The following LRRTM4 variants were observed in gnomAD, a reference collection of about 807,000 sequenced individuals.
LRRTM4 encodes the protein leucine-rich repeat transmembrane neuronal protein 4.
In LRRTM4, 25 loss-of-function variants were observed where a neutral mutation model predicts 47.6. That is an observed-to-expected ratio of 0.53 (90% confidence interval 0.38 to 0.73). The LOEUF is 0.73. Among genes scored for constraint, LRRTM4 ranks in the 30% least tolerant of loss-of-function variants. LRRTM4 has a pLI of 0.00. For synonymous variants in LRRTM4, 311 were observed against 269.5 expected (o/e 1.15, Z -1.51); for missense variants, 638 against 713.4 (o/e 0.89, Z 1.20).
intron 3 of LRRTM4, among the ~76,000 whole-genome samples, chr2:76,756,921 G>A (rs1435642629): frequency 6.6e-6 from 1 of 152,022 alleles, no homozygotes; most frequent in Non-Finnish European, 1.5e-5. Flanking sequence ...TTAGATATTT[G>A]CTGAATGAAA....
At chr2:77,056,503 G>C (rs992088017) in intron 3 of LRRTM4, among the ~76,000 whole-genome samples, 109 of 152,090 alleles carry the variant, frequency 7.2e-4, no homozygotes, top group African/African-American at 2.5e-3. Context: ...CATAATAAAT[G>C]ATTTAAATCA....
At chr2:77,440,977 A>C (rs1459139954) in intron 3 of LRRTM4, among the ~76,000 whole-genome samples, 3 of 152,254 alleles carry the variant, frequency 2.0e-5, no homozygotes, top group Non-Finnish European at 4.4e-5. Context: ...CACATGTTGT[A>C]GCTATTTACA....
intron 3 of LRRTM4, among the ~76,000 whole-genome samples, chr2:77,151,974 A>G (rs1351575659): frequency 6.6e-6 from 1 of 152,224 alleles, no homozygotes; most frequent in Non-Finnish European, 1.5e-5. Context: ...ATCTCAAGGA[A>G]ATACACATGT....
At chr2:77,283,713 T>C (rs1302939564) in intron 3 of LRRTM4, among the ~76,000 whole-genome samples, 1 of 151,958 alleles carries the variant, frequency 6.6e-6, no homozygotes, top group East Asian at 1.9e-4. Context: ...AGCAAATTAA[T>C]GCAGGAGCAA....
chr2:76,964,276 T>G (rs1675952683), intron 3 of LRRTM4, among the ~76,000 whole-genome samples: 1 of 151,074 alleles, frequency 6.6e-6, no homozygotes, highest in Non-Finnish European at 1.5e-5. Context: ...TCTTCAGATA[T>G]GCAAGACTTT....
chr2:77,455,870 C>T (rs1676519121), intron 3 of LRRTM4, among the ~76,000 whole-genome samples: 1 of 152,160 alleles, frequency 6.6e-6, no homozygotes, highest in South Asian at 2.1e-4. Context: ...ATATCACTCT[C>T]CACCATTCCA....
intron 3 of LRRTM4, among the ~76,000 whole-genome samples, chr2:77,150,222 T>C (rs1444777191): frequency 6.6e-6 from 1 of 152,168 alleles, no homozygotes; most frequent in African/African-American, 2.4e-5. Flanking sequence ...TAAAGGACTA[T>C]TAAATAAATA....
At chr2:76,982,778 G>A (rs143668874) in intron 3 of LRRTM4, among the ~76,000 whole-genome samples, 2 of 151,938 alleles carry the variant, frequency 1.3e-5, no homozygotes, top group African/African-American at 4.8e-5. Context: ...AAATAGATTT[G>A]CAAAAAATAG....
intron 3 of LRRTM4, among the ~76,000 whole-genome samples, chr2:77,463,832 C>T (rs77033937): frequency 0.019 from 2,888 of 152,148 alleles, 98 homozygotes; most frequent in East Asian, 0.12. Context: ...CTCTGTACAC[C>T]ACATGGCGGG....
intron 3 of LRRTM4, among the ~76,000 whole-genome samples, chr2:76,937,035 G>C (rs929454811): frequency 9.5e-5 from 14 of 146,834 alleles, no homozygotes; most frequent in African/African-American, 3.6e-4. Flanking sequence ...TAGATTCATG[G>C]TGACAATGAC....
At chr2:77,002,170 C>A (rs1367054551) in intron 3 of LRRTM4, among the ~76,000 whole-genome samples, 3 of 152,126 alleles carry the variant, frequency 2.0e-5, no homozygotes, top group Non-Finnish European at 4.4e-5. Context: ...GTATACTTGG[C>A]CTCTTTTCAA....
chr2:77,362,170 A>AAGG (rs1672263551), intron 3 of LRRTM4, among the ~76,000 whole-genome samples: 24 of 133,620 alleles, frequency 1.8e-4, no homozygotes, highest in East Asian at 1.1e-3. Context: ...AGAAAGAAAG[A>AAGG]AAGGAAGGAA....
intron 3 of LRRTM4, among the ~76,000 whole-genome samples, chr2:76,815,462 A>G (rs758832823): frequency 1.3e-5 from 2 of 152,128 alleles, no homozygotes; most frequent in Non-Finnish European, 1.5e-5. Context: ...TATCAGCTGA[A>G]AGAGATGATG....
chr2:77,469,492 G>C (rs1339646264), intron 3 of LRRTM4, among the ~76,000 whole-genome samples: 2 of 152,116 alleles, frequency 1.3e-5, no homozygotes, highest in Non-Finnish European at 2.9e-5. Flanking sequence ...AAATAGATGG[G>C]AATTAGTGCC....
intron 3 of LRRTM4, among the ~76,000 whole-genome samples, chr2:76,951,174 A>G (rs549988664): frequency 1.3e-5 from 2 of 152,222 alleles, no homozygotes; most frequent in African/African-American, 4.8e-5. Context: ...TTTTAAAAGT[A>G]AACTTATAAG....
intron 3 of LRRTM4, among the ~76,000 whole-genome samples, chr2:77,112,691 C>A (rs1671282375): frequency 6.6e-6 from 1 of 150,744 alleles, no homozygotes; most frequent in Non-Finnish European, 1.5e-5. Context: ...AATCAGAGAA[C>A]TCAGATGACC....
intron 3 of LRRTM4, among the ~76,000 whole-genome samples, chr2:77,398,345 T>C (rs571302674): frequency 2.2e-4 from 33 of 152,060 alleles, no homozygotes; most frequent in African/African-American, 7.9e-4. Flanking sequence ...TTTCAGAATA[T>C]TTTGAATTTT....
At chr2:77,083,844 G>A (rs374960304) in intron 3 of LRRTM4, among the ~76,000 whole-genome samples, 32 of 115,584 alleles carry the variant, frequency 2.8e-4, no homozygotes, top group African/African-American at 9.2e-4. Flanking sequence ...TCGCTCTGTC[G>A]CCCAGGCTGG....
intron 3 of LRRTM4, among the ~76,000 whole-genome samples, chr2:77,419,973 T>C (rs1674807348): frequency 6.6e-6 from 1 of 152,158 alleles, no homozygotes; most frequent in Non-Finnish European, 1.5e-5. Flanking sequence ...AAGGTGGGAA[T>C]CTGGGTGCAA....
Sources: gnomAD v4.1 joint callset for allele counts (sites outside exome capture counted in the v4.1 genomes callset) on GRCh38, gnomAD v4.1.1 for gene constraint, MANE v1.5 for transcripts, NCBI Gene and HGNC (gene_info 2026-07-23, HGNC 2026-07-21) for gene names.